CDKAL1: variants seen among roughly 807,000 people sequenced by gnomAD.
The protein encoded by CDKAL1 is CDKAL1 threonylcarbamoyladenosine tRNA methylthiotransferase.
In CDKAL1, 32 loss-of-function variants were observed where a neutral mutation model predicts 68.2. That is an observed-to-expected ratio of 0.47 (90% CI 0.35 to 0.63). The LOEUF (loss-of-function observed/expected upper bound fraction) is 0.63, where lower values mean the gene tolerates loss of function less well. Ranked by LOEUF, CDKAL1 falls within the 30% of genes least tolerant of loss-of-function variation. The probability of loss-of-function intolerance (pLI) is 0.00; values close to 1 mark genes in which losing one functional copy is unlikely to be tolerated. For synonymous variants in CDKAL1, 234 were observed against 244.3 expected, an observed-to-expected ratio of 0.96 and a Z score of 0.39; for missense variants, 606 against 696.7, an observed-to-expected ratio of 0.87 and a Z score of 1.47.
At chr6:20,956,283 C>T (rs771138952) in intron 10 of CDKAL1, among the ~76,000 whole-genome samples, 32 of 152,132 alleles carry the variant, frequency 2.1e-4, no homozygotes, top group Non-Finnish European at 3.5e-4. Flanking sequence ...TTCCACAGAT[C>T]GGGATGCTTA....
intron 13 of CDKAL1, among the ~76,000 whole-genome samples, chr6:21,143,481 T>A (rs1776022147): frequency 6.6e-6 from 1 of 152,232 alleles, no homozygotes; most frequent in South Asian, 2.1e-4. Context: ...CTAGCAGCCT[T>A]AGACAAAAGC....
At chr6:21,203,146 C>A (rs964951713) in intron 15 of CDKAL1, among the ~76,000 whole-genome samples, 1 of 146,674 alleles carries the variant, frequency 6.8e-6, no homozygotes, top group Non-Finnish European at 1.5e-5. Flanking sequence ...GCCTCCTGGG[C>A]GCAAGCAATC....
intron 4 of CDKAL1, among the ~76,000 whole-genome samples, chr6:20,554,908 C>T (rs1485809692): frequency 6.6e-6 from 1 of 152,178 alleles, no homozygotes; most frequent in Non-Finnish European, 1.5e-5. Context: ...TTCATAAACA[C>T]TGAAGAGTAA....
Position 20,710,356 on chromosome 6 carries a change from A to G in CDKAL1, c.372-29163A>G, listed in dbSNP as rs114162072. Among the ~76,000 whole-genome samples the G allele has an allele frequency of 5.5e-3, 845 of 152,302 alleles. 9 individuals carry two copies. Among genetic ancestry groups the G allele is most frequent in the African/African-American group, 0.019 (776 of 41,580 alleles). On this transcript the variant is annotated intron_variant, in intron 5 of 15. Coordinates refer to ENST00000274695, the MANE Select transcript of CDKAL1 (RefSeq NM_017774.3). ...ACACAAATACTTAGCTTTGTGTTAT[A>G]GTTGCCTACAGTGTTTAGTACAGTA...
chr6:21,195,633 C>G (rs1179352828), intron 13 of CDKAL1, among the ~76,000 whole-genome samples: 2 of 152,014 alleles, frequency 1.3e-5, no homozygotes, highest in Admixed American at 6.6e-5. Flanking sequence ...ACTTCAGCCT[C>G]TCGTGTAGCT....
intron 4 of CDKAL1, among the ~76,000 whole-genome samples, chr6:20,600,516 T>C: frequency 6.6e-6 from 1 of 152,050 alleles, no homozygotes; most frequent in East Asian, 1.9e-4. Flanking sequence ...ATTTAAATCA[T>C]TATTTTTTGT....
chr6:20,732,782 G>A (rs1773015447), intron 5 of CDKAL1, among the ~76,000 whole-genome samples: 1 of 151,888 alleles, frequency 6.6e-6, no homozygotes, highest in Non-Finnish European at 1.5e-5. Context: ...TTTCTCCATC[G>A]TTTACTTTTC....
chr6:21,041,494 TA>T (rs1175583562), intron 11 of CDKAL1, among the ~76,000 whole-genome samples: 2 of 151,972 alleles, frequency 1.3e-5, no homozygotes, highest in Non-Finnish European at 2.9e-5. Context: ...AACTCAGGCT[TA>T]AATCATGTAA....
At chr6:20,689,733 G>T (rs1316494297) in intron 5 of CDKAL1, among the ~76,000 whole-genome samples, 2 of 152,130 alleles carry the variant, frequency 1.3e-5, no homozygotes, top group African/African-American at 4.8e-5. Context: ...GAAATTTCAT[G>T]TATCTGTGCT....
intron 5 of CDKAL1, among the ~76,000 whole-genome samples, chr6:20,731,968 A>T (rs1332379878): frequency 6.6e-6 from 1 of 152,124 alleles, no homozygotes. Flanking sequence ...AAAGATTTCC[A>T]GGGAGGATGA....
intron 11 of CDKAL1, among the ~76,000 whole-genome samples, chr6:21,050,085 G>T (rs1420882157): frequency 6.6e-6 from 1 of 151,938 alleles, no homozygotes; most frequent in Admixed American, 6.6e-5. Flanking sequence ...ACCCATCTAG[G>T]TTTTTATTTT....
rs9465893 is a variant in CDKAL1 at position 20,800,238 on chromosome 6, G to A, written c.638+18973G>A. On this transcript the variant is annotated intron_variant, in intron 8 of 15. Coordinates refer to ENST00000274695, the MANE Select transcript of CDKAL1 (RefSeq NM_017774.3). ...GGGAAACAACCCACAGTGTGAGATA[G>A]GGTTACAATAGAATATTCCCCAGCA... is the stretch of plus-strand genomic sequence containing the variant. 4.0e-3 allele frequency among the ~76,000 whole-genome samples: 602 copies of A among 152,274 alleles called. 3 individuals carry two copies. The highest frequency in any genetic ancestry group is 0.014 in the African/African-American group (563 of 41,548).
At chr6:20,537,318 A>C (rs940287417) in intron 2 of CDKAL1, among the ~76,000 whole-genome samples, 1 of 152,146 alleles carries the variant, frequency 6.6e-6, no homozygotes, top group Admixed American at 6.6e-5. Context: ...TATGATGAAA[A>C]GCTTCCCGCT....
chr6:20,880,133 T>C (rs922643596), intron 9 of CDKAL1, among the ~76,000 whole-genome samples: 12 of 152,242 alleles, frequency 7.9e-5, no homozygotes, highest in Admixed American at 5.9e-4. Context: ...AGTAATTTCC[T>C]CATGCATCAA....
At chr6:20,689,464 G>A (rs768921738) in intron 5 of CDKAL1, among the ~76,000 whole-genome samples, 1 of 152,144 alleles carries the variant, frequency 6.6e-6, no homozygotes, top group Non-Finnish European at 1.5e-5. Context: ...GATTTGCCTG[G>A]TGACCTCAAT....
chr6:20,971,820 A>G (rs1279359983), intron 10 of CDKAL1, among the ~76,000 whole-genome samples: 1 of 152,196 alleles, frequency 6.6e-6, no homozygotes, highest in Non-Finnish European at 1.5e-5. Context: ...TTTAAGCTGA[A>G]TGATGTAGAT....
chr6:20,748,771 G>GT, intron 6 of CDKAL1, among the ~76,000 whole-genome samples: 1 of 135,962 alleles, frequency 7.4e-6, no homozygotes, highest in African/African-American at 2.9e-5. Flanking sequence ...TCTTTATGGT[G>GT]TTGGGAATGA....
At chr6:21,088,450 C>G (rs1772820624) in intron 12 of CDKAL1, among the ~76,000 whole-genome samples, 1 of 152,108 alleles carries the variant, frequency 6.6e-6, no homozygotes, top group African/African-American at 2.4e-5. Flanking sequence ...GAGGTTCTAA[C>G]AAAATGTAAT....
intron 13 of CDKAL1, among the ~76,000 whole-genome samples, chr6:21,191,992 CTTTTTTTTTTTTTTTTTTTTTTTT>C (rs145894251): frequency 2.9e-4 from 10 of 34,530 alleles, no homozygotes; most frequent in African/African-American, 3.2e-4. Flanking sequence ...ATTCATTTTT[CTTTTTTTTTTTTTTTTTTTTTTTT>C]TTTTTTTTTT....
Sources: gnomAD v4.1 joint callset for allele counts (sites outside exome capture counted in the v4.1 genomes callset) on GRCh38, gnomAD v4.1.1 for gene constraint, MANE v1.5 for transcripts, NCBI Gene and HGNC (gene_info 2026-07-23, HGNC 2026-07-21) for gene names.